Variants in ABAT observed in about 807,000 individuals in gnomAD.
ABAT encodes the protein 4-aminobutyrate aminotransferase, also known as 4-aminobutyrate aminotransferase, mitochondrial.
Under a neutral mutation model 64.6 loss-of-function variants are expected in ABAT, and 45 were observed. That is an observed-to-expected ratio of 0.70 (90% CI 0.55 to 0.89). The LOEUF (loss-of-function observed/expected upper bound fraction) is 0.89, where lower values mean the gene tolerates loss of function less well. ABAT is among the 40% of genes least tolerant of loss of function. The pLI, the probability that ABAT is intolerant of heterozygous loss-of-function variation, is 0.00. For missense variants in ABAT, 633 were observed against 658.4 expected (o/e 0.96, Z 0.42); for synonymous variants, 297 against 250.5 (o/e 1.19, Z -1.75).
intron 1 of ABAT, among the ~76,000 whole-genome samples, chr16:8,729,489 G>T (rs976833925): frequency 6.6e-5 from 10 of 152,142 alleles, no homozygotes; most frequent in African/African-American, 2.2e-4. Context: ...TCCTATAGAT[G>T]TTTGAGCAAA....
chr16:8,748,006 C>T, intron 3 of ABAT, 102 bp from the exon 4 acceptor site: 4 of 1,156,836 alleles, frequency 3.5e-6, no homozygotes, highest in Non-Finnish European at 5.1e-6. Context: ...TAGTTATTGG[C>T]AAAAGAAAAA....
At chr16:8,715,020 A>C (rs1400187286) in intron 1 of ABAT, 1 of 152,230 alleles carries the variant, frequency 6.6e-6, no homozygotes, top group Non-Finnish European at 1.5e-5. Context: ...TTTAACTTCC[A>C]CCCAAGAACA....
At chr16:8,676,477 A>G (rs1482080804) in intron 1 of ABAT, among the ~76,000 whole-genome samples, 1 of 152,094 alleles carries the variant, frequency 6.6e-6, no homozygotes, top group Non-Finnish European at 1.5e-5. Context: ...AGGCTCTGCA[A>G]AGGTCATGAA....
chr16:8,752,593 A>G (rs944483264), intron 5 of ABAT, among the ~76,000 whole-genome samples: 1 of 152,086 alleles, frequency 6.6e-6, no homozygotes, highest in African/African-American at 2.4e-5. Flanking sequence ...AACCAACCCC[A>G]ATCTCTACAA....
In ABAT at chr16:8,780,186, A is replaced by C. The variant is rs1314802663; in HGVS notation, c.1381+596A>C. On this transcript the variant is annotated intron_variant, in intron 15 of 15. Transcript: ENST00000268251. ...GGGAAAGAAGGGGGCGTGAAGGCGA[A>C]CGGTTGGGAGGGGATGAAGCTGGGG... Among the ~76,000 whole-genome samples, 3 of 151,890 alleles carry C rather than the reference A, an allele frequency of 2.0e-5. No individual in the cohort carries two copies. In the East Asian group the frequency reaches 5.8e-4, roughly 29 times the overall value.
At chr16:8,766,853 C>T (rs952355278) in intron 9 of ABAT, among the ~76,000 whole-genome samples, 1 of 152,038 alleles carries the variant, frequency 6.6e-6, no homozygotes, top group Admixed American at 6.6e-5. Flanking sequence ...CCTGTAATTC[C>T]AGCTACTCGG....
chr16:8,779,904 T>C (rs2060382916), intron 15 of ABAT, among the ~76,000 whole-genome samples: 1 of 152,190 alleles, frequency 6.6e-6, no homozygotes, highest in Non-Finnish European at 1.5e-5. Flanking sequence ...GGCATGGCTT[T>C]ACACATGGCA....
intron 1 of ABAT, among the ~76,000 whole-genome samples, chr16:8,719,365 C>G (rs1272322623): frequency 2.0e-5 from 3 of 152,208 alleles, no homozygotes; most frequent in African/African-American, 4.8e-5. Context: ...GCAGATGTTT[C>G]TTTCCATATT....
At chr16:8,745,888 T>C (rs948393015) in intron 2 of ABAT, 113 bp from the exon 3 acceptor site, 9 of 987,604 alleles carry the variant, frequency 9.1e-6, no homozygotes, top group Middle Eastern at 4.3e-4. Context: ...CTGGCTGGGA[T>C]GAGGCTAAGG....
intron 5 of ABAT, among the ~76,000 whole-genome samples, chr16:8,753,630 C>T (rs1205986918): frequency 6.6e-6 from 1 of 152,222 alleles, no homozygotes; most frequent in Non-Finnish European, 1.5e-5. Context: ...AACACACAGG[C>T]AGTGGTGATA....
At chr16:8,685,000 C>T (rs546244227) in intron 1 of ABAT, among the ~76,000 whole-genome samples, 89 of 152,150 alleles carry the variant, frequency 5.8e-4, no homozygotes, top group African/African-American at 2.0e-3. Flanking sequence ...AAATAATGAA[C>T]AAGGCCAGGC....
chr16:8,701,376 T>A (rs2057818782), intron 1 of ABAT, among the ~76,000 whole-genome samples: 2 of 152,218 alleles, frequency 1.3e-5, no homozygotes, highest in African/African-American at 4.8e-5. Context: ...GTGAATAACG[T>A]GAACACTGGG....
intron 5 of ABAT, chr16:8,757,257 T>A (rs1195083484): frequency 3.0e-5 from 13 of 434,856 alleles, no homozygotes; most frequent in Non-Finnish European, 2.7e-5. Context: ...AACCTCCGCC[T>A]CTTGTGTTCA....
In ABAT at chr16:8,750,240, T is replaced by C. The variant is rs1192772059; in HGVS notation, c.199-182T>C. ...ATAAAATCACAGCTTACTGAACTAT[T>C]ATAAAGCAAACCACCCATGCACTTA... On this transcript the variant is annotated intron_variant, in intron 4 of 15. Coordinates refer to ENST00000268251, the MANE Select transcript of ABAT (RefSeq NM_020686.6). Among the ~76,000 whole-genome samples, 3 of 152,336 alleles carry C rather than the reference T, an allele frequency of 2.0e-5. No individual in the cohort carries two copies. The East Asian group carries it at 5.8e-4, about 29-fold the overall frequency.
chr16:8,732,421 C>T (rs1247613211), intron 1 of ABAT, among the ~76,000 whole-genome samples: 3 of 150,336 alleles, frequency 2.0e-5, no homozygotes, highest in Non-Finnish European at 3.0e-5. Flanking sequence ...GTGGTGATGA[C>T]TCTTAACGAG....
intron 1 of ABAT, among the ~76,000 whole-genome samples, chr16:8,692,483 T>C (rs762649941): frequency 1.3e-5 from 2 of 152,222 alleles, no homozygotes; most frequent in African/African-American, 2.4e-5. Flanking sequence ...GAGGTTTGCC[T>C]CTTGGAAGCT....
chr16:8,777,728 T>C (rs1057164196), intron 14 of ABAT, among the ~76,000 whole-genome samples: 10 of 152,164 alleles, frequency 6.6e-5, no homozygotes, highest in African/African-American at 1.9e-4. Flanking sequence ...GCAAGGAACA[T>C]GCTAGAGTAA....
chr16:8,751,558 G>A (rs893278290), intron 5 of ABAT, among the ~76,000 whole-genome samples: 4 of 152,200 alleles, frequency 2.6e-5, no homozygotes, highest in Non-Finnish European at 5.9e-5. Context: ...CCACACCCCA[G>A]AGTTGGTCTC....
In ABAT at chr16:8,764,281, C is replaced by A; in HGVS notation, c.447+132C>A. 1 of 823,336 alleles carries A rather than the reference C, an allele frequency of 1.2e-6. No homozygotes were observed. Among genetic ancestry groups the A allele is most frequent in the Non-Finnish European group, 2.0e-6 (1 of 500,170 alleles). The allele number at this position is 823,336 out of a possible 1,614,324, so 51.0% of individuals were successfully genotyped here. Reference sequence around the variant, plus strand: ...TTCTCTCTGAGCTTATTCTTCCATGCAGAGTATTTTAAATTTTTCTTTTAA... The same window carrying A: ...TTCTCTCTGAGCTTATTCTTCCATGAAGAGTATTTTAAATTTTTCTTTTAA... On this transcript the variant is annotated intron_variant, in intron 7 of 15. Transcript: ENST00000268251. This position sits in a 1 kb window ranked among gnomAD's most constrained non-coding sequence, Gnocchi z 4.2.
Sources: allele counts gnomAD v4.1 joint callset (sites outside exome capture counted in the v4.1 genomes callset), GRCh38; gene constraint gnomAD v4.1.1; non-coding constraint Gnocchi (gnomAD v3.1); transcripts MANE v1.5; gene names NCBI Gene and HGNC (gene_info 2026-07-23, HGNC 2026-07-21).